PKP4: variants seen among roughly 807,000 people sequenced by gnomAD.
PKP4 encodes the protein plakophilin 4, also known as plakophilin-4.
Under a neutral mutation model 145.1 loss-of-function variants are expected in PKP4, and 90 were observed. The observed-to-expected ratio is 0.62, with a 90% confidence interval of 0.52 to 0.74. The LOEUF (loss-of-function observed/expected upper bound fraction) is 0.74. Among genes scored for constraint, PKP4 ranks in the 30% least tolerant of loss-of-function variants. PKP4 has a pLI of 0.00. For missense variants in PKP4, 1,340 were observed against 1,482.7 expected (o/e 0.90, Z 1.58); for synonymous variants, 563 against 577.2 (o/e 0.98, Z 0.35).
In PKP4 at chr2:158,624,880, A is replaced by C. The variant is rs767058402; in HGVS notation, c.606A>C (p.Pro202=). The part of the protein sequence containing the change: ...SRAEGQTLVQ[P]SVANRAMRRV... ...CTTTTTTCCCCCCCTTTCATCAGCCATCAGTAGCCAATCGGGCCATGAGAA... is the reference window on the plus strand; with the variant it reads ...CTTTTTTCCCCCCCTTTCATCAGCCCTCAGTAGCCAATCGGGCCATGAGAA... The change falls in exon 7 of 22, where the codon CCA becomes CCC. Residue 202 remains proline (P), a splice_region_variant and synonymous_variant. Coordinates refer to ENST00000389759, the MANE Select transcript of PKP4 (RefSeq NM_003628.6). 1 of 1,575,516 alleles carries C rather than the reference A, an allele frequency of 6.3e-7. No homozygotes were observed. Among genetic ancestry groups the C allele is most frequent in the Admixed American group, 1.8e-5 (1 of 55,910 alleles).
intron 2 of PKP4, among the ~76,000 whole-genome samples, chr2:158,553,937 T>C (rs2045847960): frequency 6.6e-6 from 1 of 152,172 alleles, no homozygotes; most frequent in African/African-American, 2.4e-5. Context: ...ACCCTTCTAG[T>C]TGATGCTGTA....
intron 1 of PKP4, among the ~76,000 whole-genome samples, chr2:158,481,602 C>T (rs1340107334): frequency 6.6e-6 from 1 of 152,154 alleles, no homozygotes; most frequent in East Asian, 1.9e-4. Context: ...TAAGTGATAC[C>T]TCATAGTAGT....
chr2:158,498,340 C>T (rs6437184), intron 1 of PKP4, among the ~76,000 whole-genome samples: 101,237 of 151,928 alleles, frequency 0.67, 33,960 homozygotes, highest in South Asian at 0.83. Context: ...TGTTAGGTGA[C>T]TGAGAATGGG....
intron 11 of PKP4, among the ~76,000 whole-genome samples, chr2:158,648,135 A>G (rs2054999511): frequency 6.6e-6 from 1 of 152,216 alleles, no homozygotes; most frequent in Non-Finnish European, 1.5e-5. Context: ...TTCTTCGGTA[A>G]TAATAGACTT....
chr2:158,514,574 A>G (rs541695072), intron 1 of PKP4, among the ~76,000 whole-genome samples: 4 of 152,354 alleles, frequency 2.6e-5, no homozygotes, highest in African/African-American at 7.2e-5. Context: ...CTGAGAATCT[A>G]TGGTACTTTT....
At chr2:158,609,519 C>G (rs949725113) in intron 4 of PKP4, among the ~76,000 whole-genome samples, 2 of 152,084 alleles carry the variant, frequency 1.3e-5, no homozygotes, top group Non-Finnish European at 1.5e-5. Context: ...CTTTCTCTAC[C>G]TTTTTTCTTA....
chr2:158,575,352 C>T (rs1215553233), intron 2 of PKP4, among the ~76,000 whole-genome samples: 5 of 152,140 alleles, frequency 3.3e-5, no homozygotes, highest in Non-Finnish European at 7.3e-5. Context: ...GCCAAAGTCA[C>T]CCGTTCTGCT....
chr2:158,509,048 G>A (rs1233242451), intron 1 of PKP4, among the ~76,000 whole-genome samples: 1 of 152,004 alleles, frequency 6.6e-6, no homozygotes, highest in Non-Finnish European at 1.5e-5. Context: ...ATAGTTTATG[G>A]TCTTCAGATT....
intron 2 of PKP4, among the ~76,000 whole-genome samples, chr2:158,576,245 C>T (rs140743276): frequency 3.3e-4 from 50 of 152,232 alleles, no homozygotes; most frequent in Non-Finnish European, 6.3e-4. Flanking sequence ...TAATGGCAAA[C>T]GAATGTATAC....
chr2:158,677,948 C>A (rs902697838), intron 20 of PKP4, among the ~76,000 whole-genome samples: 8 of 152,122 alleles, frequency 5.3e-5, no homozygotes, highest in Non-Finnish European at 1.2e-4. Context: ...AAATAAAAAT[C>A]TTTGCTAGCC....
chr2:158,661,637 T>G (rs1010674193), intron 13 of PKP4, 187 bp downstream of exon 13: 1 of 478,634 alleles, frequency 2.1e-6, no homozygotes, highest in African/African-American at 2.0e-5. Flanking sequence ...GAAAATATCC[T>G]GAGAACCGTG....
intron 3 of PKP4, among the ~76,000 whole-genome samples, chr2:158,585,964 C>T (rs2048767734): frequency 6.7e-6 from 1 of 150,168 alleles, no homozygotes; most frequent in Admixed American, 6.6e-5. Context: ...CACTAATCTA[C>T]ACTCTGTATC....
chr2:158,625,309 C>T lies in PKP4; in HGVS notation c.1035C>T (p.Ala345=), dbSNP rs756730178. The T allele has an allele frequency of 1.9e-5, 30 of 1,614,046 alleles. No individual in the cohort carries two copies. Among genetic ancestry groups the T allele is most frequent in the Non-Finnish European group, 2.2e-5 (26 of 1,180,022 alleles). ...CCCCCAAACGCTCAGGGATGACCGC[C>T]GTACCACAGCATCTGGGACCTTCAC... ...SSSPKRSGMT[A]VPQHLGPSLQ... The change falls in exon 7 of 22, where the codon GCC becomes GCT. Residue 345 remains alanine (A), a synonymous_variant. Coordinates refer to ENST00000389759, the MANE Select transcript of PKP4 (RefSeq NM_003628.6).
At chr2:158,679,261 C>T (rs556631001) in intron 21 of PKP4, 1 of 154,396 alleles carries the variant, frequency 6.5e-6, no homozygotes, top group Admixed American at 6.3e-5. Flanking sequence ...CCATGGCGAA[C>T]TTGGACCATC....
Position 158,590,088 on chromosome 2 carries a change from G to T in PKP4, c.245+12705G>T, listed in dbSNP as rs368062137. Among the ~76,000 whole-genome samples the T allele has an allele frequency of 1.3e-4, 20 of 152,152 alleles. 2 individuals carry two copies. Among genetic ancestry groups the T allele is most frequent in the South Asian group, 1.2e-3 (6 of 4,824 alleles). On this transcript the variant is annotated intron_variant, in intron 3 of 21. Transcript: ENST00000389759. ...TGAGGCTTCACAATGTATTTAATAA[G>T]AAATCAATATAATCTGTTTTTGCAT... is the stretch of plus-strand genomic sequence containing the variant.
chr2:158,494,024 A>T (rs1215217313), intron 1 of PKP4, among the ~76,000 whole-genome samples: 1 of 152,218 alleles, frequency 6.6e-6, no homozygotes, highest in Admixed American at 6.5e-5. Flanking sequence ...TTTCAGTCTT[A>T]TCAGGAGGGA....
intron 19 of PKP4, 117 bp from the exon 20 acceptor site, chr2:158,676,622 A>T: frequency 8.2e-7 from 1 of 1,221,448 alleles, no homozygotes; most frequent in Non-Finnish European, 1.2e-6. Context: ...TTTCAGCACC[A>T]GCTGTGTGTC....
At position 158,644,464 on chromosome 2, in the gene PKP4, A is replaced by G. The variant is rs530672808; in HGVS notation, c.1909+1765A>G. ...CACATTGATGACAGCATTGCTTGTAATAATAATTCAGGGAAAATACTAAGA... is the reference window on the plus strand; with the variant it reads ...CACATTGATGACAGCATTGCTTGTAGTAATAATTCAGGGAAAATACTAAGA... On this transcript the variant is annotated intron_variant, in intron 11 of 21. Coordinates refer to ENST00000389759, the MANE Select transcript of PKP4 (RefSeq NM_003628.6). Among the ~76,000 whole-genome samples the G allele has an allele frequency of 2.6e-5, 4 of 152,336 alleles. No homozygotes were observed. In the South Asian group the frequency reaches 8.3e-4, roughly 32 times the overall value.
chr2:158,541,576 C>T (rs1336468974), intron 2 of PKP4, among the ~76,000 whole-genome samples: 2 of 145,690 alleles, frequency 1.4e-5, no homozygotes, highest in African/African-American at 2.5e-5. Flanking sequence ...CAAATAACAT[C>T]CTATGCAATT....
Sources: allele counts gnomAD v4.1 joint callset (sites outside exome capture counted in the v4.1 genomes callset), GRCh38; gene constraint gnomAD v4.1.1; transcripts MANE v1.5; gene names NCBI Gene and HGNC (gene_info 2026-07-23, HGNC 2026-07-21).